The following CACNA1B variants were observed in gnomAD, a reference collection of about 807,000 sequenced individuals.
The protein encoded by CACNA1B is calcium voltage-gated channel subunit alpha1 B.
In CACNA1B, 70 loss-of-function variants were observed where a neutral mutation model predicts 247.2. That is an observed-to-expected ratio of 0.28 (90% confidence interval 0.23 to 0.35). CACNA1B has a LOEUF of 0.35. Among genes scored for constraint, CACNA1B ranks in the 10% least tolerant of loss-of-function variants. CACNA1B has a pLI of 1.00. For synonymous variants in CACNA1B, 1,231 were observed against 1,294.4 expected (o/e 0.95, Z 1.05); for missense variants, 2,367 against 3,197.4 (o/e 0.74, Z 6.26).
chr9:138,094,457 A>AAAAAAAG (rs752912258), intron 36 of CACNA1B, among the ~76,000 whole-genome samples: 1 of 134,834 alleles, frequency 7.4e-6, no homozygotes, highest in African/African-American at 2.7e-5. Context: ...AAAAAAAAAA[A>AAAAAAAG]AAGAAGAAGA....
intron 8 of CACNA1B, among the ~76,000 whole-genome samples, chr9:137,956,048 C>G (rs144784591): frequency 1.5e-3 from 226 of 152,322 alleles, no homozygotes; most frequent in African/African-American, 5.2e-3. Context: ...CATGGCCCAG[C>G]CTAAAGCTGG....
At chr9:137,956,393 C>T (rs1957947548) in intron 8 of CACNA1B, among the ~76,000 whole-genome samples, 1 of 152,206 alleles carries the variant, frequency 6.6e-6, no homozygotes, top group African/African-American at 2.4e-5. Context: ...TGCAGTGGCT[C>T]ACGCCTACAG....
chr9:137,917,216 G>T lies in CACNA1B; in HGVS notation c.776-25G>T, dbSNP rs771174691. 6.9e-6 allele frequency: 11 copies of T among 1,598,430 alleles called. No homozygotes were observed. Among genetic ancestry groups the T allele is most frequent in the East Asian group, 6.7e-5 (3 of 44,792 alleles). ...AGAGCTTGGTATTTCTGAGCTCAGG[G>T]TCTGCTTCATTCTCCTTCTTGCAGA... On this transcript the variant is annotated intron_variant, in intron 5 of 46. Coordinates refer to ENST00000371372, the MANE Select transcript of CACNA1B (RefSeq NM_000718.4). The surrounding 1 kb of genome is among the most constrained non-coding windows in gnomAD (Gnocchi z 5.5).
In CACNA1B at chr9:138,073,906, G is replaced by A. The variant is rs1488691303; in HGVS notation, c.4792-95G>A. ...GTGGGATGGAGCTTGAGTAGGCTGA[G>A]GTCTGTGTGACCTCAAAGGCCCAGC... On this transcript the variant is annotated intron_variant, in intron 33 of 46. Coordinates refer to ENST00000371372, the MANE Select transcript of CACNA1B (RefSeq NM_000718.4). The surrounding 1 kb of genome is among the most constrained non-coding windows in gnomAD (Gnocchi z 6.4). 1 of 946,800 alleles carries A rather than the reference G, an allele frequency of 1.1e-6. No individual in the cohort carries two copies. 58.6% of individuals were successfully genotyped at this position (946,800 alleles called of 1,614,324 possible).
intron 39 of CACNA1B, among the ~76,000 whole-genome samples, chr9:138,111,839 G>A (rs1014474336): frequency 2.0e-5 from 3 of 151,964 alleles, no homozygotes; most frequent in Admixed American, 6.6e-5. Flanking sequence ...AGGCCTCCTC[G>A]GGAGACTGAT....
At chr9:137,988,679 A>G (rs948889527) in intron 15 of CACNA1B, among the ~76,000 whole-genome samples, 4 of 152,230 alleles carry the variant, frequency 2.6e-5, no homozygotes, top group Non-Finnish European at 4.4e-5. Context: ...GCAGAGACCC[A>G]GGCACCAGGA....
Position 137,957,536 on chromosome 9 carries a change from C to A in CACNA1B, c.1244-62C>A. On this transcript the variant is annotated intron_variant, in intron 9 of 46. Coordinates refer to ENST00000371372, the MANE Select transcript of CACNA1B (RefSeq NM_000718.4). This position sits in a 1 kb window ranked among gnomAD's most constrained non-coding sequence, Gnocchi z 4.7. ...AGGGGGAGGGTGATCCCATGCCCCG[C>A]TGAGGCAGGTGGCCTGAGGGCTGCA... 1.5e-6 allele frequency: 2 copies of A among 1,298,052 alleles called. No individual in the cohort carries two copies. The highest frequency in any genetic ancestry group is 2.1e-6 in the Non-Finnish European group (2 of 943,192). The allele number at this position is 1,298,052 out of a possible 1,614,324, so 80.4% of individuals were successfully genotyped here.
At chr9:138,034,111 T>G (rs1959015459) in intron 20 of CACNA1B, among the ~76,000 whole-genome samples, 1 of 152,208 alleles carries the variant, frequency 6.6e-6, no homozygotes, top group African/African-American at 2.4e-5. Flanking sequence ...ATCTTGTTAC[T>G]GTTCCCCAGC....
chr9:137,994,738 C>G (rs997497087), intron 15 of CACNA1B, among the ~76,000 whole-genome samples: 2 of 152,212 alleles, frequency 1.3e-5, no homozygotes, highest in African/African-American at 4.8e-5. Flanking sequence ...AAACACATCC[C>G]ATGTTCATGT....
rs372939958 is a variant in CACNA1B at position 137,914,641 on chromosome 9, G to A, written c.623-13G>A. On this transcript the variant is annotated splice_polypyrimidine_tract_variant and intron_variant, in intron 4 of 46. Transcript: ENST00000371372. The surrounding 1 kb of genome is among the most constrained non-coding windows in gnomAD (Gnocchi z 4.3). ...CCCACGTTGCTTCCTGACCTGCCCT[G>A]TTCTGGCCCCAGGTTTGCAGGTGGT... 22 of 1,612,998 alleles carry A rather than the reference G, an allele frequency of 1.4e-5. No homozygotes were observed. The highest frequency in any genetic ancestry group is 1.8e-5 in the Non-Finnish European group (21 of 1,179,416).
Position 137,882,184 on chromosome 9 carries a change from G to GCCTGAGCTGTATCCAGGCAA in CACNA1B, c.391-556_391-537dup, listed in dbSNP as rs1470437294. On this transcript the variant is annotated intron_variant, in intron 2 of 46. Coordinates refer to ENST00000371372, the MANE Select transcript of CACNA1B (RefSeq NM_000718.4). The surrounding 1 kb of genome is among the most constrained non-coding windows in gnomAD (Gnocchi z 4.0). ...CGGGGCCTGGACTGAGTTCAAGAAA[G>GCCTGAGCTGTATCCAGGCAA]CCTGAGCTGTATCCAGGCAACCTTG... Among the ~76,000 whole-genome samples, 4 of 152,188 alleles carry GCCTGAGCTGTATCCAGGCAA rather than the reference G, an allele frequency of 2.6e-5. No homozygotes were observed. The highest frequency in any genetic ancestry group is 9.7e-5 in the African/African-American group (4 of 41,450).
intron 22 of CACNA1B, 76 bp from the exon 23 acceptor site, chr9:138,047,323 A>G: frequency 8.8e-7 from 1 of 1,138,294 alleles, no homozygotes; most frequent in Admixed American, 1.8e-5. Flanking sequence ...CCTGGAGGAA[A>G]AACTCGGAGC....
chr9:138,000,312 A>C lies in CACNA1B; in HGVS notation c.1975-6455A>C, dbSNP rs62591437. On this transcript the variant is annotated intron_variant, in intron 15 of 46. Coordinates refer to ENST00000371372, the MANE Select transcript of CACNA1B (RefSeq NM_000718.4). ...ACAGGGTTTCACCGTGTTAGCCAGG[A>C]TGGTCTCGATCTCCTGACCTCGTGA... is the stretch of plus-strand genomic sequence containing the variant. Among the ~76,000 whole-genome samples, 70 of 152,052 alleles carry C rather than the reference A, an allele frequency of 4.6e-4. 1 individual carries two copies. Among genetic ancestry groups the C allele is most frequent in the Admixed American group, 1.4e-3 (22 of 15,274 alleles).
intron 39 of CACNA1B, among the ~76,000 whole-genome samples, chr9:138,107,609 G>C (rs1000503460): frequency 3.3e-5 from 5 of 152,016 alleles, no homozygotes; most frequent in Non-Finnish European, 7.4e-5. Context: ...AGCTGTTGCT[G>C]CAGCAGCTTC....
chr9:137,952,263 C>G lies in CACNA1B; in HGVS notation c.967-11C>G, dbSNP rs12115468. The stretch of plus-strand genomic sequence containing the variant: ...CCCTGTCCTTCCTCATCTCCCTCTC[C>G]TTGCTTCCAGACAAACGATGCGGCC... On this transcript the variant is annotated splice_polypyrimidine_tract_variant and intron_variant, in intron 6 of 46. Coordinates refer to ENST00000371372, the MANE Select transcript of CACNA1B (RefSeq NM_000718.4). The surrounding 1 kb of genome is among the most constrained non-coding windows in gnomAD (Gnocchi z 4.8). 0.012 allele frequency: 18,562 copies of G among 1,611,598 alleles called. 147 individuals carry two copies. Among genetic ancestry groups the G allele is most frequent in the South Asian group, 0.013 (1,211 of 91,026 alleles).
rs1167721238 is a variant in CACNA1B at position 138,007,185 on chromosome 9, T to C, written c.2092+301T>C. ...GCAGCAGTCGGGGAGCCTCACACTCTGGGCAGGTGGGTTTTTGTTTTCACT... is the reference window on the plus strand; with the variant it reads ...GCAGCAGTCGGGGAGCCTCACACTCCGGGCAGGTGGGTTTTTGTTTTCACT... On this transcript the variant is annotated intron_variant, in intron 16 of 46. Coordinates refer to ENST00000371372, the MANE Select transcript of CACNA1B (RefSeq NM_000718.4). The surrounding 1 kb of genome is among the most constrained non-coding windows in gnomAD (Gnocchi z 4.1). Among the ~76,000 whole-genome samples, 1 of 152,204 alleles carries C rather than the reference T, an allele frequency of 6.6e-6. No individual in the cohort carries two copies. The highest frequency in any genetic ancestry group is 1.9e-4 in the East Asian group (1 of 5,196).
In CACNA1B at chr9:138,121,952, C is replaced by G. The variant is rs761505830; in HGVS notation, c.6973C>G (p.Arg2325Gly). Residue 2325 changes from arginine (R) to glycine (G), a missense_variant, in exon 47 of 47, where the codon CGA (arginine) becomes GGA (glycine). Coordinates refer to ENST00000371372, the MANE Select transcript of CACNA1B (RefSeq NM_000718.4). The surrounding 1 kb of genome is among the most constrained non-coding windows in gnomAD (Gnocchi z 6.8). ...CACCCTGGGACTCAGCTCGGGTGGC[C>G]GAGCACGGCACAGCTACCACCACCC... is the stretch of plus-strand genomic sequence containing the variant. Reference protein sequence around the residue: ...HCTLGLSSGGRARHSYHHPDQ... With the variant: ...HCTLGLSSGGGARHSYHHPDQ... 1 of 1,604,586 alleles carries G rather than the reference C, an allele frequency of 6.2e-7. No individual in the cohort carries two copies. The highest frequency in any genetic ancestry group is 8.5e-7 in the Non-Finnish European group (1 of 1,179,808).
intron 40 of CACNA1B, among the ~76,000 whole-genome samples, chr9:138,113,189 C>T (rs577460508): frequency 6.2e-5 from 7 of 113,522 alleles, no homozygotes; most frequent in East Asian, 5.8e-4. Context: ...AGCGCGGGGA[C>T]GTGCACACCT....
chr9:138,081,090 TG>T (rs969961756), intron 36 of CACNA1B, among the ~76,000 whole-genome samples: 2 of 152,252 alleles, frequency 1.3e-5, no homozygotes, highest in Non-Finnish European at 2.9e-5. Flanking sequence ...CAAAGACATC[TG>T]GTGCTGTAAG....
Sources: gnomAD v4.1 joint callset for allele counts (sites outside exome capture counted in the v4.1 genomes callset) on GRCh38, gnomAD v4.1.1 for gene constraint, Gnocchi (gnomAD v3.1) non-coding constraint, MANE v1.5 for transcripts, NCBI Gene and HGNC (gene_info 2026-07-23, HGNC 2026-07-21) for gene names.